The following PDZRN4 variants were observed in gnomAD, a reference collection of about 807,000 sequenced individuals.
PDZRN4 encodes PDZ domain-containing RING finger protein 4.
PDZRN4 carries 70 observed loss-of-function variants against 99.0 expected under a neutral mutation model. That is an observed-to-expected ratio of 0.71 (90% CI 0.58 to 0.86). The LOEUF is 0.86. Among genes scored for constraint, PDZRN4 ranks in the 40% least tolerant of loss-of-function variants. The pLI, the probability that PDZRN4 is intolerant of heterozygous loss-of-function variation, is 0.00. For synonymous variants in PDZRN4, 551 were observed against 501.6 expected (o/e 1.10, Z -1.32); for missense variants, 1,474 against 1,331.2 (o/e 1.11, Z -1.67).
At chr12:41,340,006 T>G (rs10880043) in intron 3 of PDZRN4, among the ~76,000 whole-genome samples, 58,633 of 151,852 alleles carry the variant, frequency 0.39, 11,405 homozygotes, top group South Asian at 0.42. Flanking sequence ...CCACTATGAA[T>G]AACCTTATGA....
intron 3 of PDZRN4, among the ~76,000 whole-genome samples, chr12:41,214,847 T>C (rs1950910782): frequency 6.6e-6 from 1 of 152,084 alleles, no homozygotes; most frequent in Non-Finnish European, 1.5e-5. Flanking sequence ...AATTTGATCA[T>C]ACTTTGGTGA....
Position 41,573,184 on chromosome 12 carries a change from G to T in PDZRN4, c.2405G>T (p.Cys802Phe). The T allele has an allele frequency of 6.2e-7, 1 of 1,614,148 alleles. No individual in the cohort carries two copies. Among genetic ancestry groups the T allele is most frequent in the Non-Finnish European group, 8.5e-7 (1 of 1,180,018 alleles). Reference protein sequence around the residue: ...STKAKTTEQGCSAESKEKVLE... With the variant: ...STKAKTTEQGFSAESKEKVLE... ...AAAGCCAAAACCACTGAGCAAGGTT[G>T]TAGCGCTGAAAGCAAGGAGAAGGTT... The change falls in exon 10 of 10, where the codon TGT becomes TTT. Residue 802 changes from cysteine to phenylalanine, a missense_variant. By Grantham distance (205) the Cys-to-Phe change is radical. Transcript: ENST00000402685.
intron 3 of PDZRN4, among the ~76,000 whole-genome samples, chr12:41,330,883 A>C (rs569047633): frequency 6.6e-6 from 1 of 152,080 alleles, no homozygotes; most frequent in Non-Finnish European, 1.5e-5. Context: ...CACCCCAGAA[A>C]TATTTTGATA....
chr12:41,200,401 G>A (rs796992634), intron 3 of PDZRN4, among the ~76,000 whole-genome samples: 28 of 152,196 alleles, frequency 1.8e-4, no homozygotes, highest in African/African-American at 6.3e-4. Context: ...ATTGTTTTAT[G>A]TTAGCCTACA....
chr12:41,245,647 C>T lies in PDZRN4; in HGVS notation c.843+51459C>T, dbSNP rs1951128867. Among the ~76,000 whole-genome samples the T allele has an allele frequency of 3.3e-5, 5 of 151,938 alleles. No homozygotes were observed. In the South Asian group the frequency reaches 1.0e-3, roughly 31 times the overall value. The stretch of plus-strand genomic sequence containing the variant: ...ATGGGAATATAGGGATTCATTCTTT[C>T]TGTGTTTTAAAATGTTCAACATTTT... On this transcript the variant is annotated intron_variant, in intron 3 of 9. Coordinates refer to ENST00000402685, the MANE Select transcript of PDZRN4 (RefSeq NM_001164595.2).
At chr12:41,375,770 G>A (rs915377858) in intron 3 of PDZRN4, among the ~76,000 whole-genome samples, 4 of 151,988 alleles carry the variant, frequency 2.6e-5, no homozygotes, top group Non-Finnish European at 5.9e-5. Flanking sequence ...TATTTGTGAG[G>A]TGACAACATT....
At chr12:41,387,412 C>T (rs1360472887) in intron 3 of PDZRN4, among the ~76,000 whole-genome samples, 5 of 152,102 alleles carry the variant, frequency 3.3e-5, no homozygotes, top group African/African-American at 1.2e-4. Flanking sequence ...GGTGAAACCT[C>T]ATCTGTACTA....
At chr12:41,519,664 G>A (rs995269935) in intron 5 of PDZRN4, among the ~76,000 whole-genome samples, 5 of 151,976 alleles carry the variant, frequency 3.3e-5, no homozygotes, top group South Asian at 4.2e-4. Flanking sequence ...AATGAGGAAC[G>A]TGAGGGGTCT....
intron 3 of PDZRN4, among the ~76,000 whole-genome samples, chr12:41,350,081 C>T (rs544603778): frequency 1.3e-5 from 2 of 152,110 alleles, no homozygotes; most frequent in Non-Finnish European, 1.5e-5. Flanking sequence ...GTGAGTCTTC[C>T]ATCAGTTTGG....
Position 41,188,667 on chromosome 12 carries a change from G to A in PDZRN4, c.212G>A (p.Arg71His). ...GAGCTGTACCGGGTGCTGCCGCTGC[G>A]CAGCCTCATCCAGAAGCTGCGAGTC... is the stretch of plus-strand genomic sequence containing the variant. The part of the protein sequence containing the change: ...PGELYRVLPL[R>H]SLIQKLRVQC... Residue 71 changes from arginine to histidine, a missense_variant, in exon 1 of 10, where the codon CGC (arginine) becomes CAC (histidine). Arg to His is a conservative substitution (Grantham distance 29). Coordinates refer to ENST00000402685, the MANE Select transcript of PDZRN4 (RefSeq NM_001164595.2). 1.9e-6 allele frequency: 3 copies of A among 1,551,548 alleles called. No homozygotes were observed. The highest frequency in any genetic ancestry group is 2.6e-6 in the Non-Finnish European group (3 of 1,156,692).
chr12:41,242,344 A>C (rs1170496181), intron 3 of PDZRN4, among the ~76,000 whole-genome samples: 1 of 152,130 alleles, frequency 6.6e-6, no homozygotes, highest in Admixed American at 6.5e-5. Flanking sequence ...ATGTGATTTG[A>C]GAGACAGAGT....
intron 3 of PDZRN4, among the ~76,000 whole-genome samples, chr12:41,273,213 TCA>T (rs1437788152): frequency 6.6e-6 from 1 of 152,046 alleles, no homozygotes; most frequent in Non-Finnish European, 1.5e-5. Context: ...TCAAAGAGGC[TCA>T]GTTTCTTCTT....
At chr12:41,457,827 A>G (rs1399503887) in intron 3 of PDZRN4, among the ~76,000 whole-genome samples, 1 of 152,228 alleles carries the variant, frequency 6.6e-6, no homozygotes, top group African/African-American at 2.4e-5. Flanking sequence ...TCCAACAAAT[A>G]TTTACTGAGT....
Position 41,351,455 on chromosome 12 carries a change from G to A in PDZRN4, c.844-155001G>A, listed in dbSNP as rs529691503. 3.9e-5 allele frequency among the ~76,000 whole-genome samples: 6 copies of A among 152,038 alleles called. No homozygotes were observed. In the East Asian group the frequency reaches 1.2e-3, roughly 29 times the overall value. On this transcript the variant is annotated intron_variant, in intron 3 of 9. Transcript: ENST00000402685. ...GAGATTGGGTAATTTACAAAGAAAA[G>A]AGGTTTAATTGGCTTATGGTTCTAT...
At chr12:41,462,243 TA>T (rs1565589271) in intron 3 of PDZRN4, among the ~76,000 whole-genome samples, 3 of 152,190 alleles carry the variant, frequency 2.0e-5, no homozygotes, top group Non-Finnish European at 2.9e-5. Context: ...TTTTACAAAA[TA>T]GATATGCAGT....
chr12:41,314,888 A>G (rs1010606866), intron 3 of PDZRN4, among the ~76,000 whole-genome samples: 2 of 152,172 alleles, frequency 1.3e-5, no homozygotes, highest in South Asian at 4.1e-4. Flanking sequence ...AACAGAATAA[A>G]GAAAATGCTT....
At position 41,300,513 on chromosome 12, in the gene PDZRN4, A is replaced by C. The variant is rs542514619; in HGVS notation, c.843+106325A>C. On this transcript the variant is annotated intron_variant, in intron 3 of 9. Transcript: ENST00000402685. ...GGCACACCCAGAAATGTGCCCAATT[A>C]AAATCAAACACATATTAGAAATATT... 1.0e-3 allele frequency among the ~76,000 whole-genome samples: 159 copies of C among 152,134 alleles called. 1 individual carries two copies. The highest frequency in any genetic ancestry group is 3.7e-3 in the African/African-American group (152 of 41,568).
intron 9 of PDZRN4, among the ~76,000 whole-genome samples, chr12:41,571,070 G>C (rs1165452872): frequency 6.6e-6 from 1 of 152,000 alleles, no homozygotes; most frequent in Non-Finnish European, 1.5e-5. Context: ...AGCACTAGCT[G>C]TTGGCTTGAT....
intron 3 of PDZRN4, among the ~76,000 whole-genome samples, chr12:41,305,341 G>A: frequency 6.6e-6 from 1 of 152,180 alleles, no homozygotes; most frequent in East Asian, 1.9e-4. Context: ...GGGAAAACAA[G>A]TGGACTAAAA....
Sources: gnomAD v4.1 joint callset for allele counts (sites outside exome capture counted in the v4.1 genomes callset) on GRCh38, gnomAD v4.1.1 for gene constraint, MANE v1.5 for transcripts, NCBI Gene and HGNC (gene_info 2026-07-23, HGNC 2026-07-21) for gene names.